The following RGSL1 variants were observed in gnomAD, a reference collection of about 807,000 sequenced individuals.
RGSL1 encodes the protein regulator of G protein signaling like 1.
In RGSL1, 97 loss-of-function variants were observed where a neutral mutation model predicts 124.7. That is an observed-to-expected ratio of 0.78 (90% CI 0.66 to 0.92). The LOEUF (loss-of-function observed/expected upper bound fraction) is 0.92. RGSL1 is among the 40% of genes least tolerant of loss of function. RGSL1 has a pLI of 0.00. For missense variants in RGSL1, 1,233 were observed against 1,288.4 expected (o/e 0.96, Z 0.66); for synonymous variants, 424 against 438.1 (o/e 0.97, Z 0.40).
chr1:182,509,662 G>A (rs1235015822), intron 9 of RGSL1, among the ~76,000 whole-genome samples: 23 of 135,432 alleles, frequency 1.7e-4, no homozygotes, highest in Non-Finnish European at 2.6e-4. Flanking sequence ...CTGGCCGGGC[G>A]GGGGGCTGAA....
chr1:182,509,590 G>T (rs1657183746), intron 9 of RGSL1, among the ~76,000 whole-genome samples: 2 of 127,042 alleles, frequency 1.6e-5, no homozygotes, highest in African/African-American at 3.2e-5. Flanking sequence ...AGGCTGAGGG[G>T]CTCCTCACTT....
At chr1:182,467,180 G>A (rs1653408296) in intron 4 of RGSL1, among the ~76,000 whole-genome samples, 1 of 152,030 alleles carries the variant, frequency 6.6e-6, no homozygotes, top group Non-Finnish European at 1.5e-5. Flanking sequence ...TCGTGAAAAT[G>A]GCCATACTGC....
intron 10 of RGSL1, among the ~76,000 whole-genome samples, chr1:182,525,613 G>C (rs1256233772): frequency 6.6e-6 from 1 of 152,080 alleles, no homozygotes; most frequent in Non-Finnish European, 1.5e-5. Flanking sequence ...GAAAAATCTT[G>C]AGTGCTGCAG....
intron 9 of RGSL1, among the ~76,000 whole-genome samples, chr1:182,508,666 CTATTTGTTTTT>C (rs1657035116): frequency 2.5e-5 from 1 of 39,802 alleles, no homozygotes; most frequent in Non-Finnish European, 5.5e-5. Flanking sequence ...TACCTATTGA[CTATTTGTTTTT>C]TTTTTTTTTT....
chr1:182,512,938 C>T (rs1354937874), intron 9 of RGSL1, among the ~76,000 whole-genome samples: 2 of 152,146 alleles, frequency 1.3e-5, no homozygotes, highest in Non-Finnish European at 2.9e-5. Flanking sequence ...CACTCTTCTG[C>T]TCCTCTGCTC....
chr1:182,488,416 A>T, intron 7 of RGSL1, 69 bp downstream of exon 7: 1 of 1,337,452 alleles, frequency 7.5e-7, no homozygotes, highest in Non-Finnish European at 1.1e-6. Context: ...TTACTGTTTT[A>T]AAAGGGTTAT....
At position 182,533,296 on chromosome 1, in the gene RGSL1, C is replaced by CT. The variant is rs71573276; in HGVS notation, c.2494+522dup. Among the ~76,000 whole-genome samples, 744 of 107,678 alleles carry CT rather than the reference C, an allele frequency of 6.9e-3. 24 individuals carry two copies. The highest frequency in any genetic ancestry group is 0.022 in the African/African-American group (506 of 22,950). The allele number at this position is 107,678 out of a possible 152,430, so 70.6% of individuals were successfully genotyped here. ...CACATATTTGATTTGTAACTTGCTTCTTTTTTTTTTTTTTTTTGTTCAACA... is the reference window on the plus strand; with the variant it reads ...CACATATTTGATTTGTAACTTGCTTCTTTTTTTTTTTTTTTTTTGTTCAACA... On this transcript the variant is annotated intron_variant, in intron 14 of 21. Transcript: ENST00000294854.
intron 14 of RGSL1, among the ~76,000 whole-genome samples, chr1:182,534,762 G>T (rs1013273723): frequency 1.3e-5 from 2 of 152,030 alleles, no homozygotes; most frequent in Non-Finnish European, 2.9e-5. Flanking sequence ...AGGAGGCAGA[G>T]GTTGCAGTGA....
chr1:182,541,644 A>G (rs1471358082), intron 15 of RGSL1, among the ~76,000 whole-genome samples: 1 of 152,142 alleles, frequency 6.6e-6, no homozygotes, highest in African/African-American at 2.4e-5. Context: ...CTTTTTGAGG[A>G]AGCTCCATAC....
chr1:182,486,732 A>G (rs1426519166), intron 6 of RGSL1, among the ~76,000 whole-genome samples: 1 of 151,976 alleles, frequency 6.6e-6, no homozygotes, highest in Non-Finnish European at 1.5e-5. Flanking sequence ...CTGGAGTGCA[A>G]TGGTGTGATC....
intron 9 of RGSL1, among the ~76,000 whole-genome samples, chr1:182,509,716 G>A (rs1450246943): frequency 5.7e-5 from 8 of 141,078 alleles, no homozygotes; most frequent in Non-Finnish European, 1.3e-4. Flanking sequence ...CGGGCGGGGG[G>A]CTGACCCCCC....
At chr1:182,491,518 A>G (rs1558300111) in intron 8 of RGSL1, among the ~76,000 whole-genome samples, 2 of 152,070 alleles carry the variant, frequency 1.3e-5, no homozygotes, top group Admixed American at 6.6e-5. Flanking sequence ...CCCGACCACT[A>G]TCATCTTTTA....
intron 9 of RGSL1, among the ~76,000 whole-genome samples, chr1:182,509,494 A>AC (rs1299848525): frequency 1.9e-3 from 54 of 29,166 alleles, no homozygotes; most frequent in African/African-American, 6.4e-3. Flanking sequence ...CGGGGGGCTG[A>AC]CCCCCCCACC....
intron 6 of RGSL1, among the ~76,000 whole-genome samples, chr1:182,475,307 T>C (rs1654203576): frequency 6.6e-6 from 1 of 152,232 alleles, no homozygotes; most frequent in African/African-American, 2.4e-5. Flanking sequence ...GAGAATACTC[T>C]GAAGACTCAC....
Position 182,451,162 on chromosome 1 carries a change from AG to A in RGSL1, c.13+985del, listed in dbSNP as rs1231488974. ...CTTTGGCAAAAAAAAAAAAAAAAAA[AG>A]ATTGAAGATTATCTTTTGAAAGAAC... is the stretch of plus-strand genomic sequence containing the variant. On this transcript the variant is annotated intron_variant, in intron 1 of 21. Coordinates refer to ENST00000294854, the MANE Select transcript of RGSL1 (RefSeq NM_001137669.2). 4.4e-4 allele frequency among the ~76,000 whole-genome samples: 66 copies of A among 150,066 alleles called. 1 individual carries two copies. The highest frequency in any genetic ancestry group is 3.4e-3 in the Middle Eastern group (1 of 290).
At chr1:182,450,045 C>A, upstream of RGSL1, 2 of 1,173,186 alleles carry the variant, frequency 1.7e-6, no homozygotes, top group Non-Finnish European at 2.5e-6. Flanking sequence ...AGATCACTGC[C>A]AGATAGAATC....
chr1:182,542,194 G>T (rs1176348128), intron 15 of RGSL1, among the ~76,000 whole-genome samples: 2 of 152,080 alleles, frequency 1.3e-5, no homozygotes, highest in African/African-American at 4.8e-5. Flanking sequence ...AGTAGCTTCA[G>T]AGTTTTAGAT....
At chr1:182,506,234 A>G (rs983090067) in intron 9 of RGSL1, among the ~76,000 whole-genome samples, 7 of 152,194 alleles carry the variant, frequency 4.6e-5, no homozygotes, top group Non-Finnish European at 1.0e-4. Context: ...TTATATTTAA[A>G]TGTCTATAAG....
Position 182,472,300 on chromosome 1 carries a change from C to G in RGSL1, c.302-96C>G. The G allele has an allele frequency of 4.4e-6, 5 of 1,136,310 alleles. No homozygotes were observed. In the South Asian group the frequency reaches 9.6e-5, roughly 22 times the overall value. 70.4% of individuals were successfully genotyped at this position (1,136,310 alleles called of 1,614,324 possible). ...AGGAATGATGATTGATGCAGTGGAA[C>G]AGGCTGGTGGGGGATGTCAGTTGAT... is the stretch of plus-strand genomic sequence containing the variant. On this transcript the variant is annotated intron_variant, in intron 4 of 21. Coordinates refer to ENST00000294854, the MANE Select transcript of RGSL1 (RefSeq NM_001137669.2).
Sources: allele counts gnomAD v4.1 joint callset (sites outside exome capture counted in the v4.1 genomes callset), GRCh38; gene constraint gnomAD v4.1.1; transcripts MANE v1.5; gene names NCBI Gene and HGNC (gene_info 2026-07-23, HGNC 2026-07-21).